Variants in PRKCA observed in about 807,000 individuals in gnomAD.
PRKCA encodes protein kinase C alpha.
In PRKCA, 27 loss-of-function variants were observed where a neutral mutation model predicts 87.0. The observed-to-expected ratio is 0.31, with a 90% CI of 0.23 to 0.43. PRKCA has a LOEUF of 0.43. Among genes scored for constraint, PRKCA ranks in the 20% least tolerant of loss-of-function variants. The pLI, the probability that PRKCA is intolerant of heterozygous loss-of-function variation, is 1.00. For missense variants in PRKCA, 518 were observed against 852.3 expected, an observed-to-expected ratio of 0.61 and a Z score of 4.88; for synonymous variants, 329 against 311.1, an observed-to-expected ratio of 1.06 and a Z score of -0.61.
intron 2 of PRKCA, among the ~76,000 whole-genome samples, chr17:66,388,302 T>C (rs927222683): frequency 1.3e-5 from 2 of 152,148 alleles, no homozygotes; most frequent in Non-Finnish European, 2.9e-5. Flanking sequence ...ACCTCTTTTT[T>C]TTTTTCTTTG....
Position 66,786,977 on chromosome 17 carries a change from A to G in PRKCA, c.1713+3A>G. The G allele has an allele frequency of 6.3e-7, 1 of 1,582,850 alleles. No individual in the cohort carries two copies. Among genetic ancestry groups the G allele is most frequent in the Non-Finnish European group, 8.7e-7 (1 of 1,151,620 alleles). On this transcript the variant is annotated splice_donor_region_variant and intron_variant, in intron 15 of 16. Transcript: ENST00000413366. ...AGGCTGTTTCTGTCTGCAAAGGAGTAAGTCGATTTGGATACCTTTTGTGAT... is the reference window on the plus strand; with the variant it reads ...AGGCTGTTTCTGTCTGCAAAGGAGTGAGTCGATTTGGATACCTTTTGTGAT...
At chr17:66,388,340 A>T (rs995774412) in intron 2 of PRKCA, among the ~76,000 whole-genome samples, 3 of 151,078 alleles carry the variant, frequency 2.0e-5, no homozygotes, top group Non-Finnish European at 4.4e-5. Flanking sequence ...TCTTGCCCAG[A>T]CTGGAGTGTA....
At chr17:66,557,481 T>C (rs1383279748) in intron 3 of PRKCA, among the ~76,000 whole-genome samples, 1 of 151,742 alleles carries the variant, frequency 6.6e-6, no homozygotes, top group Non-Finnish European at 1.5e-5. Context: ...TAATGAATTA[T>C]GCAAGTCTTA....
intron 2 of PRKCA, among the ~76,000 whole-genome samples, chr17:66,392,823 C>G (rs1000858896): frequency 3.9e-5 from 6 of 152,142 alleles, no homozygotes; most frequent in African/African-American, 1.4e-4. Flanking sequence ...GTCAGAACTT[C>G]AGCTTTTTCT....
rs10716192 is a variant in PRKCA at position 66,386,796 on chromosome 17, C to CT, written c.205+80679dup. Among the ~76,000 whole-genome samples, 492 of 150,402 alleles carry CT rather than the reference C, an allele frequency of 3.3e-3. 2 individuals are homozygous for CT. Among genetic ancestry groups the CT allele is most frequent in the African/African-American group, 0.011 (458 of 41,010 alleles). On this transcript the variant is annotated intron_variant, in intron 2 of 16. Coordinates refer to ENST00000413366, the MANE Select transcript of PRKCA (RefSeq NM_002737.3). ...AATTAAACTTTTAACCTCTAAAAGC[C>CT]TTTTTTTTTTCTTTTAATGTAAGGC...
At chr17:66,346,212 T>C (rs1907350707) in intron 2 of PRKCA, among the ~76,000 whole-genome samples, 1 of 151,588 alleles carries the variant, frequency 6.6e-6, no homozygotes, top group Admixed American at 6.6e-5. Flanking sequence ...TTCTCCTGCC[T>C]CAACCTCTCG....
At chr17:66,492,270 C>A (rs867772142) in intron 2 of PRKCA, among the ~76,000 whole-genome samples, 2 of 152,108 alleles carry the variant, frequency 1.3e-5, no homozygotes, top group Non-Finnish European at 2.9e-5. Context: ...ATAGGTAAAG[C>A]TTTTTGCTGC....
At chr17:66,787,021 G>T (rs757607995) in intron 15 of PRKCA, 47 bp downstream of exon 15, 8 of 1,334,690 alleles carry the variant, frequency 6.0e-6, no homozygotes, top group Admixed American at 1.7e-5. Context: ...AAGAGCTTTG[G>T]TAGGAGAAAT....
chr17:66,478,515 A>C (rs1915632319), intron 2 of PRKCA, among the ~76,000 whole-genome samples: 1 of 152,092 alleles, frequency 6.6e-6, no homozygotes, highest in African/African-American at 2.4e-5. Context: ...TGGCCTTCTG[A>C]AGTGTTGGGA....
intron 3 of PRKCA, among the ~76,000 whole-genome samples, chr17:66,591,255 C>G (rs1376924710): frequency 6.6e-6 from 1 of 152,076 alleles, no homozygotes; most frequent in Non-Finnish European, 1.5e-5. Context: ...CAGCCTCAAG[C>G]AATTGTCCTT....
chr17:66,516,544 A>C (rs1966976810), intron 3 of PRKCA, among the ~76,000 whole-genome samples: 1 of 151,964 alleles, frequency 6.6e-6, no homozygotes, highest in Admixed American at 6.6e-5. Flanking sequence ...GAGGCTGCAG[A>C]ATCACTTGAA....
intron 3 of PRKCA, among the ~76,000 whole-genome samples, chr17:66,537,627 A>G (rs560079096): frequency 6.6e-6 from 1 of 152,338 alleles, no homozygotes; most frequent in East Asian, 1.9e-4. Context: ...TCTTTAGCAT[A>G]TGTTTAAGAC....
chr17:66,695,335 A>C (rs1457222726), intron 8 of PRKCA, among the ~76,000 whole-genome samples: 2 of 152,136 alleles, frequency 1.3e-5, no homozygotes, highest in African/African-American at 4.8e-5. Flanking sequence ...ACAAAACGAA[A>C]CATACGTTTG....
intron 3 of PRKCA, among the ~76,000 whole-genome samples, chr17:66,544,463 A>G (rs577186922): frequency 6.6e-6 from 1 of 152,302 alleles, no homozygotes; most frequent in Admixed American, 6.5e-5. Flanking sequence ...AAGACTAAAA[A>G]CAAGCCTTAG....
chr17:66,722,162 G>T (rs564066411), intron 8 of PRKCA, among the ~76,000 whole-genome samples: 2 of 152,278 alleles, frequency 1.3e-5, no homozygotes, highest in East Asian at 3.9e-4. Context: ...TGGTCTGTCT[G>T]ATTTTCCATA....
At chr17:66,613,832 A>G (rs1970443350) in intron 3 of PRKCA, among the ~76,000 whole-genome samples, 1 of 121,630 alleles carries the variant, frequency 8.2e-6, no homozygotes, top group Admixed American at 1.2e-4. Context: ...CTGTCACCCA[A>G]GCTGTAGTGG....
At chr17:66,632,710 A>G (rs562345212) in intron 3 of PRKCA, among the ~76,000 whole-genome samples, 1 of 152,268 alleles carries the variant, frequency 6.6e-6, no homozygotes, top group South Asian at 2.1e-4. Context: ...TAGACAATAT[A>G]TCTTAGAGAT....
At chr17:66,379,079 T>G (rs1909640315) in intron 2 of PRKCA, among the ~76,000 whole-genome samples, 1 of 152,208 alleles carries the variant, frequency 6.6e-6, no homozygotes. Flanking sequence ...TTGTTTATAC[T>G]TTGACTATTA....
At chr17:66,624,671 AG>A in intron 3 of PRKCA, among the ~76,000 whole-genome samples, 2 of 152,064 alleles carry the variant, frequency 1.3e-5, no homozygotes, top group Non-Finnish European at 2.9e-5. Flanking sequence ...GTGTGGTGGC[AG>A]GTGCCTGTAA....
Sources: gnomAD v4.1 joint callset for allele counts (sites outside exome capture counted in the v4.1 genomes callset) on GRCh38, gnomAD v4.1.1 for gene constraint, MANE v1.5 for transcripts, NCBI Gene and HGNC (gene_info 2026-07-23, HGNC 2026-07-21) for gene names.